Variants in ANGEL1 observed in about 807,000 individuals in gnomAD.
ANGEL1 encodes angel homolog 1, also known as RNA 2',3'-cyclic phosphatase ANGEL1.
In ANGEL1, 62 loss-of-function variants were observed where a neutral mutation model predicts 76.4. The observed-to-expected ratio is 0.81, with a 90% CI of 0.66 to 1.00. The LOEUF (loss-of-function observed/expected upper bound fraction) is 1.00. ANGEL1 is among the 50% of genes least tolerant of loss of function. The pLI, the probability that ANGEL1 is intolerant of heterozygous loss-of-function variation, is 0.00. For synonymous variants in ANGEL1, 340 were observed against 331.7 expected (o/e 1.03, Z -0.27); for missense variants, 737 against 836.7 (o/e 0.88, Z 1.47).
At chr14:76,799,314 GAC>G (rs1894685375) in intron 7 of ANGEL1, among the ~76,000 whole-genome samples, 1 of 38,002 alleles carries the variant, frequency 2.6e-5, no homozygotes, top group Admixed American at 4.9e-4. Flanking sequence ...TTTTTTTTGA[GAC>G]ACAGTCTTGC....
In ANGEL1 at chr14:76,786,390, G is replaced by A. The variant is rs1198654290; in HGVS notation, c.*2838C>T. On this transcript the variant is annotated 3_prime_UTR_variant, in exon 10 of 10. Coordinates refer to ENST00000251089, the MANE Select transcript of ANGEL1 (RefSeq NM_015305.4). ...TTGGTCAGGCTGGTCTGGAACTCTC[G>A]ACCTCAGGTGATCCACCCGCCTCAG... The A allele has an allele frequency of 3.9e-5, 6 of 152,070 alleles. No individual in the cohort carries two copies. The highest frequency in any genetic ancestry group is 1.2e-4 in the African/African-American group (5 of 41,398). 9.4% of individuals were successfully genotyped at this position (152,070 alleles called of 1,614,324 possible).
At chr14:76,808,560 T>C (rs1894991004) in intron 2 of ANGEL1, among the ~76,000 whole-genome samples, 1 of 152,216 alleles carries the variant, frequency 6.6e-6, no homozygotes, top group African/African-American at 2.4e-5. Flanking sequence ...TCTGTGGGAC[T>C]AGAAACTATG....
chr14:76,804,073 G>A, intron 5 of ANGEL1, 161 bp from the exon 6 acceptor site: 7 of 1,496,572 alleles, frequency 4.7e-6, no homozygotes, highest in Non-Finnish European at 6.2e-6. Context: ...TAAAAATAAG[G>A]ACCAAATTAA....
At chr14:76,799,514 C>T (rs926379449) in intron 7 of ANGEL1, among the ~76,000 whole-genome samples, 1 of 151,792 alleles carries the variant, frequency 6.6e-6, no homozygotes, top group Non-Finnish European at 1.5e-5. Flanking sequence ...AAGATGGTCT[C>T]GATCTCCTGA....
At chr14:76,791,397 T>A in intron 7 of ANGEL1, 31 bp from the exon 8 acceptor site, 1 of 1,606,282 alleles carries the variant, frequency 6.2e-7, no homozygotes, top group South Asian at 1.1e-5. Flanking sequence ...AAACATTTTC[T>A]CATCCACAGA....
In ANGEL1 at chr14:76,806,540, C is replaced by A. The variant is rs1894922695; in HGVS notation, c.1256G>T (p.Arg419Ile). Residue 419 changes from arginine to isoleucine, a missense_variant, in exon 5 of 10, where the codon AGA becomes ATA. This residue lies in a region of ANGEL1 where 296 missense variants were observed against 387.2 expected (regional missense o/e 0.76). Transcript: ENST00000251089. ...GGGGCAGTGGCTGCCATCTGACAGT[C>A]TGGCCACCTTGTCCACTTCCGCCAG... is the stretch of plus-strand genomic sequence containing the variant. ...ILLAEVDKVA[R>I]LSDGSHCPII... The A allele has an allele frequency of 6.2e-7, 1 of 1,614,122 alleles. No individual in the cohort carries two copies. The highest frequency in any genetic ancestry group is 8.5e-7 in the Non-Finnish European group (1 of 1,180,062).
At chr14:76,812,738 T>C (rs1216033629) in intron 1 of ANGEL1, 26 bp downstream of exon 1, 1 of 1,504,638 alleles carries the variant, frequency 6.6e-7, no homozygotes, top group Admixed American at 2.1e-5. Flanking sequence ...GCCGGGCTCC[T>C]GTCTGTCGGT....
intron 7 of ANGEL1, among the ~76,000 whole-genome samples, chr14:76,795,604 A>T (rs1474589092): frequency 1.3e-5 from 2 of 152,200 alleles, no homozygotes; most frequent in Non-Finnish European, 2.9e-5. Flanking sequence ...GTTTGAGGAC[A>T]TTCCCTATCA....
intron 5 of ANGEL1, among the ~76,000 whole-genome samples, chr14:76,805,371 G>A (rs998175630): frequency 1.3e-5 from 2 of 152,260 alleles, no homozygotes; most frequent in Middle Eastern, 3.4e-3. Flanking sequence ...TCTTTTCCTC[G>A]TTCCCTGAGT....
chr14:76,803,582 A>C, intron 6 of ANGEL1, 101 bp from the exon 7 acceptor site: 1 of 1,354,474 alleles, frequency 7.4e-7, no homozygotes, highest in Non-Finnish European at 1.0e-6. Context: ...ACACAGAGGA[A>C]GCATTCAGAA....
intron 1 of ANGEL1, 84 bp from the exon 2 acceptor site, chr14:76,809,727 A>G: frequency 4.2e-6 from 5 of 1,178,052 alleles, no homozygotes; most frequent in Non-Finnish European, 6.0e-6. Context: ...GCCCAATAAA[A>G]GCAAGACCCA....
Position 76,812,754 on chromosome 14 carries a change from T to C in ANGEL1, c.64+10A>G, listed in dbSNP as rs898890692. The C allele has an allele frequency of 1.3e-6, 2 of 1,515,394 alleles. No homozygotes were observed. The highest frequency in any genetic ancestry group is 1.8e-4 in the Middle Eastern group (1 of 5,480). The allele number at this position is 1,515,394 out of a possible 1,614,324, so 93.9% of individuals were successfully genotyped here. On this transcript the variant is annotated intron_variant, in intron 1 of 9. Coordinates refer to ENST00000251089, the MANE Select transcript of ANGEL1 (RefSeq NM_015305.4). ...CCGGGCTCCTGTCTGTCGGTACGCC[T>C]GGCCGGTACCTGAGAGGGCGCGGAA...
At chr14:76,791,893 C>A (rs1365662025) in intron 7 of ANGEL1, among the ~76,000 whole-genome samples, 2 of 151,960 alleles carry the variant, frequency 1.3e-5, no homozygotes, top group Non-Finnish European at 2.9e-5. Flanking sequence ...ATATCATACA[C>A]ACGAATGTTA....
Position 76,806,522 on chromosome 14 carries a change from T to C in ANGEL1, c.1274A>G (p.His425Arg), listed in dbSNP as rs577376893. 1 of 1,614,218 alleles carries C rather than the reference T, an allele frequency of 6.2e-7. No homozygotes were observed. The highest frequency in any genetic ancestry group is 2.2e-5 in the East Asian group (1 of 44,884). Residue 425 changes from histidine to arginine, a missense_variant, in exon 5 of 10, where the codon CAC (histidine) becomes CGC (arginine). Coordinates refer to ENST00000251089, the MANE Select transcript of ANGEL1 (RefSeq NM_015305.4). The part of the protein sequence containing the change: ...DKVARLSDGS[H>R]CPIILCGDLN... The stretch of plus-strand genomic sequence containing the variant: ...GTCCCCGCACAAGATGATGGGGCAG[T>C]GGCTGCCATCTGACAGTCTGGCCAC...
At chr14:76,804,607 T>A (rs1412088691) in intron 5 of ANGEL1, among the ~76,000 whole-genome samples, 2 of 152,212 alleles carry the variant, frequency 1.3e-5, no homozygotes, top group Non-Finnish European at 2.9e-5. Context: ...GGGCATAAAT[T>A]TTCAATATGT....
At chr14:76,811,228 A>G (rs1259635053) in intron 1 of ANGEL1, among the ~76,000 whole-genome samples, 1 of 152,190 alleles carries the variant, frequency 6.6e-6, no homozygotes, top group East Asian at 1.9e-4. Flanking sequence ...AAACGTCAAC[A>G]GTGCTGAGAT....
chr14:76,804,175 AT>A (rs889072467), intron 5 of ANGEL1: 2 of 1,417,844 alleles, frequency 1.4e-6, no homozygotes, highest in African/African-American at 2.9e-5. Context: ...TAGTATGAAC[AT>A]GTGGTTCCCT....
At chr14:76,802,188 A>G (rs770117451) in intron 7 of ANGEL1, among the ~76,000 whole-genome samples, 1 of 152,134 alleles carries the variant, frequency 6.6e-6, no homozygotes, top group Non-Finnish European at 1.5e-5. Context: ...AATAAAATAA[A>G]ATAAAAAATA....
At chr14:76,789,995 G>A (rs921694956) in intron 9 of ANGEL1, among the ~76,000 whole-genome samples, 1 of 151,836 alleles carries the variant, frequency 6.6e-6, no homozygotes, top group Admixed American at 6.6e-5. Context: ...CTCCCAAGCA[G>A]CTGGGATTAC....
Sources: allele counts gnomAD v4.1 joint callset (sites outside exome capture counted in the v4.1 genomes callset), GRCh38; gene constraint gnomAD v4.1.1; regional missense constraint gnomAD v4.1.1; transcripts MANE v1.5; gene names NCBI Gene and HGNC (gene_info 2026-07-23, HGNC 2026-07-21).